GNG7: variants seen among roughly 807,000 people sequenced by gnomAD.
The protein encoded by GNG7 is G protein subunit gamma 7.
GNG7 carries 1 observed loss-of-function variant against 4.0 expected under a neutral mutation model. The ratio of observed to expected loss-of-function variants is 0.25; its 90% CI spans 0.09 to 1.18. The LOEUF (loss-of-function observed/expected upper bound fraction) is 1.18. GNG7 is among the 50% of genes most tolerant of loss of function. GNG7 has a pLI of 0.50. For missense variants in GNG7, 86 were observed against 91.9 expected, an observed-to-expected ratio of 0.94 and a Z score of 0.26; for synonymous variants, 34 against 36.9, an observed-to-expected ratio of 0.92 and a Z score of 0.29.
intron 1 of GNG7, among the ~76,000 whole-genome samples, chr19:2,661,296 A>AGAG (rs1983156476): frequency 1.7e-5 from 1 of 58,594 alleles, no homozygotes; most frequent in South Asian, 6.4e-4. Context: ...GAAAGAAAGA[A>AGAG]AGAAAGAGAA....
At chr19:2,651,493 TTCTG>T (rs1220936663) in intron 1 of GNG7, among the ~76,000 whole-genome samples, 2 of 145,352 alleles carry the variant, frequency 1.4e-5, no homozygotes. Context: ...CTTACTCTCT[TTCTG>T]TCTTCCTTTG....
intron 3 of GNG7, among the ~76,000 whole-genome samples, chr19:2,528,408 TAA>T (rs1197788787): frequency 1.5e-4 from 15 of 99,318 alleles, no homozygotes; most frequent in Admixed American, 2.5e-4. Context: ...CTGTCTCTAC[TAA>T]AAAAAAAAAA....
In GNG7 at chr19:2,512,238, A is replaced by C; in HGVS notation, c.*2784T>G. The C allele has an allele frequency of 3.0e-6, 3 of 985,828 alleles. No homozygotes were observed. Among genetic ancestry groups the C allele is most frequent in the Non-Finnish European group, 3.6e-6 (3 of 829,926 alleles). The allele number at this position is 985,828 out of a possible 1,614,324, so 61.1% of individuals were successfully genotyped here. A position where few individuals can be genotyped will look rare whatever the true frequency, so the allele number is the denominator to read the frequency against. The stretch of plus-strand genomic sequence containing the variant: ...GCGCTCCTGGAAACGCCCATAAAAC[A>C]TGCGTTCACCCCAGGGATTCCCGGC... On this transcript the variant is annotated 3_prime_UTR_variant, in exon 5 of 5. Transcript: ENST00000382159. This position sits in a 1 kb window ranked among gnomAD's most constrained non-coding sequence, Gnocchi z 4.7.
chr19:2,653,699 T>C lies in GNG7; in HGVS notation c.-134-7419A>G, dbSNP rs539383129. ...CACCCCATGCCAGGGGCATCCCCCA[T>C]CTAGAGCTGTTCCGTTGCCTTGAAT... On this transcript the variant is annotated intron_variant, in intron 1 of 4. Coordinates refer to ENST00000382159, the MANE Select transcript of GNG7 (RefSeq NM_052847.3). This position sits in a 1 kb window ranked among gnomAD's most constrained non-coding sequence, Gnocchi z 4.8. Among the ~76,000 whole-genome samples the C allele has an allele frequency of 6.6e-6, 1 of 152,180 alleles. No individual in the cohort carries two copies. The highest frequency in any genetic ancestry group is 6.5e-5 in the Admixed American group (1 of 15,288).
At chr19:2,655,558 G>A (rs1982944299) in intron 1 of GNG7, among the ~76,000 whole-genome samples, 1 of 151,864 alleles carries the variant, frequency 6.6e-6, no homozygotes, top group Non-Finnish European at 1.5e-5. Flanking sequence ...TAAAAATTAG[G>A]CCGGGTGCGG....
Position 2,531,070 on chromosome 19 carries a change from C to G in GNG7, c.-37-10345G>C, listed in dbSNP as rs1045310218. ...CCTGGAATCCCAGCACTTTGGGAGA[C>G]CGAGGCAGGTGGATGACCTGAGGTC... is the stretch of plus-strand genomic sequence containing the variant. On this transcript the variant is annotated intron_variant, in intron 3 of 4. Transcript: ENST00000382159. Among the ~76,000 whole-genome samples the G allele has an allele frequency of 6.6e-5, 10 of 151,998 alleles. 1 individual carries two copies. Among genetic ancestry groups the G allele is most frequent in the Admixed American group, 3.3e-4 (5 of 15,256 alleles).
intron 2 of GNG7, among the ~76,000 whole-genome samples, chr19:2,627,244 G>A (rs1982044193): frequency 6.7e-6 from 1 of 149,834 alleles, no homozygotes; most frequent in African/African-American, 2.5e-5. Context: ...CATGACTGGG[G>A]GTGCTCCTGG....
chr19:2,525,679 C>A (rs1490325171), intron 3 of GNG7, among the ~76,000 whole-genome samples: 3 of 152,160 alleles, frequency 2.0e-5, no homozygotes, highest in African/African-American at 7.2e-5. Context: ...CAGGGAGCAG[C>A]CGCCCTCTAA....
chr19:2,636,323 G>A (rs566315604), intron 2 of GNG7, among the ~76,000 whole-genome samples: 4 of 152,208 alleles, frequency 2.6e-5, no homozygotes, highest in South Asian at 2.1e-4. Context: ...CCCTCTGCCC[G>A]CCAGGACAAT....
chr19:2,540,994 T>A (rs1284173052), intron 3 of GNG7, among the ~76,000 whole-genome samples: 2 of 152,232 alleles, frequency 1.3e-5, no homozygotes, highest in African/African-American at 2.4e-5. Flanking sequence ...TGGAGGCTTC[T>A]GAGAGCTGGC....
chr19:2,654,922 CCAGA>C (rs1433828641), intron 1 of GNG7, among the ~76,000 whole-genome samples: 3 of 152,162 alleles, frequency 2.0e-5, no homozygotes, highest in Non-Finnish European at 4.4e-5. Context: ...ACAGATGTCC[CCAGA>C]CATTGTCCAG....
At chr19:2,601,368 C>T (rs1157785295) in intron 2 of GNG7, among the ~76,000 whole-genome samples, 1 of 152,116 alleles carries the variant, frequency 6.6e-6, no homozygotes, top group Non-Finnish European at 1.5e-5. Context: ...AGTTACCAGG[C>T]AGTGTGTTTC....
intron 2 of GNG7, among the ~76,000 whole-genome samples, chr19:2,584,822 C>T (rs865933734): frequency 2.8e-4 from 2 of 7,084 alleles, no homozygotes; most frequent in African/African-American, 1.1e-3. Context: ...GAGGGAGGGA[C>T]GGAGGGAGGG....
At chr19:2,559,246 C>T (rs1035142846) in intron 2 of GNG7, among the ~76,000 whole-genome samples, 4 of 151,792 alleles carry the variant, frequency 2.6e-5, no homozygotes, top group Non-Finnish European at 5.9e-5. Flanking sequence ...ACTGAGTTTG[C>T]GAACACAAAT....
intron 1 of GNG7, among the ~76,000 whole-genome samples, chr19:2,695,349 G>T (rs1396987560): frequency 6.6e-6 from 1 of 151,980 alleles, no homozygotes; most frequent in Admixed American, 6.6e-5. Flanking sequence ...CAGGCCCGAG[G>T]CCCCCACCTC....
rs559288998 is a variant in GNG7 at position 2,547,077 on chromosome 19, C to CCG, written c.-38+8071_-38+8072insCG. On this transcript the variant is annotated intron_variant, in intron 3 of 4. Transcript: ENST00000382159. ...AGGTGGGTCTTTCTCCACGCATGCCCCCCCCCCAGAAAACTCCTACACATC... is the reference window on the plus strand; with the variant it reads ...AGGTGGGTCTTTCTCCACGCATGCCCCGCCCCCCCAGAAAACTCCTACACATC... 2.6e-3 allele frequency among the ~76,000 whole-genome samples: 389 copies of CCG among 148,242 alleles called. 2 individuals are homozygous for CCG. Among genetic ancestry groups the CCG allele is most frequent in the African/African-American group, 9.0e-3 (368 of 40,702 alleles).
At chr19:2,659,002 C>A (rs1983066987) in intron 1 of GNG7, among the ~76,000 whole-genome samples, 1 of 150,598 alleles carries the variant, frequency 6.6e-6, no homozygotes, top group South Asian at 2.1e-4. Flanking sequence ...TGGAGTCTCG[C>A]TCTGTCACCC....
At chr19:2,612,878 G>A (rs2144824417) in intron 2 of GNG7, among the ~76,000 whole-genome samples, 1 of 152,034 alleles carries the variant, frequency 6.6e-6, no homozygotes, top group East Asian at 1.9e-4. Flanking sequence ...TTTTAGTAGA[G>A]ACGGGTTTTC....
Position 2,589,727 on chromosome 19 carries a change from A to G in GNG7, c.-77-34539T>C, listed in dbSNP as rs537761443. ...CCAGGAGCATTTAAAACCTCACTGCATACGCACTACAACGTGGATGAACTC... is the reference window on the plus strand; with the variant it reads ...CCAGGAGCATTTAAAACCTCACTGCGTACGCACTACAACGTGGATGAACTC... On this transcript the variant is annotated intron_variant, in intron 2 of 4. Transcript: ENST00000382159. Among the ~76,000 whole-genome samples, 22 of 152,310 alleles carry G rather than the reference A, an allele frequency of 1.4e-4. No homozygotes were observed. The South Asian group carries it at 3.5e-3, about 24-fold the overall frequency.
Sources: allele counts gnomAD v4.1 joint callset (sites outside exome capture counted in the v4.1 genomes callset), GRCh38; gene constraint gnomAD v4.1.1; non-coding constraint Gnocchi (gnomAD v3.1); transcripts MANE v1.5; gene names NCBI Gene and HGNC (gene_info 2026-07-23, HGNC 2026-07-21).